Variants in SLC5A1 observed in about 807,000 individuals in gnomAD.
SLC5A1 encodes the protein solute carrier family 5 member 1.
In SLC5A1, 42 loss-of-function variants were observed where a neutral mutation model predicts 73.5. The ratio of observed to expected loss-of-function variants is 0.57; its 90% CI spans 0.45 to 0.74. The LOEUF is 0.74. Among genes scored for constraint, SLC5A1 ranks in the 30% least tolerant of loss-of-function variants. The probability of loss-of-function intolerance (pLI) is 0.00; values close to 1 mark genes in which losing one functional copy is unlikely to be tolerated. For missense variants in SLC5A1, 634 were observed against 855.4 expected, an observed-to-expected ratio of 0.74 and a Z score of 3.23; for synonymous variants, 300 against 317.4, an observed-to-expected ratio of 0.95 and a Z score of 0.58.
chr22:32,109,884 A>G, intron 14 of SLC5A1, 106 bp from the exon 15 acceptor site: 1 of 839,088 alleles, frequency 1.2e-6, no homozygotes, highest in Non-Finnish European at 2.0e-6. Context: ...CATTTTTGGG[A>G]AATTTCTGCA....
At chr22:32,071,234 G>A (rs971292273) in intron 5 of SLC5A1, among the ~76,000 whole-genome samples, 50 of 152,200 alleles carry the variant, frequency 3.3e-4, no homozygotes, top group African/African-American at 1.1e-3. Flanking sequence ...TGAGGATTGC[G>A]TGAGACCAGG....
intron 11 of SLC5A1, among the ~76,000 whole-genome samples, chr22:32,095,108 A>T (rs2094024165): frequency 6.6e-6 from 1 of 152,192 alleles, no homozygotes; most frequent in South Asian, 2.1e-4. Flanking sequence ...CCCAATGATC[A>T]TTCAGGAGCA....
At chr22:32,077,035 G>C (rs570333553) in intron 5 of SLC5A1, among the ~76,000 whole-genome samples, 29 of 152,308 alleles carry the variant, frequency 1.9e-4, no homozygotes, top group Admixed American at 7.8e-4. Context: ...ACAACAGAGT[G>C]TGACAGAGAC....
Position 32,085,042 on chromosome 22 carries a change from A to G in SLC5A1, c.1021+7A>G, listed in dbSNP as rs1412414067. The G allele has an allele frequency of 8.1e-6, 13 of 1,614,018 alleles. No individual in the cohort carries two copies. The highest frequency in any genetic ancestry group is 1.1e-5 in the Non-Finnish European group (13 of 1,179,992). On this transcript the variant is annotated splice_region_variant and intron_variant, in intron 9 of 14. Coordinates refer to ENST00000266088, the MANE Select transcript of SLC5A1 (RefSeq NM_000343.4). Reference sequence around the variant, plus strand: ...AGCCGCATTCTGTACACAGGTAATAACTTCTGCTGGACCCACAAACCACTC... The same window carrying G: ...AGCCGCATTCTGTACACAGGTAATAGCTTCTGCTGGACCCACAAACCACTC...
chr22:32,067,123 A>G, intron 3 of SLC5A1, 84 bp downstream of exon 3: 1 of 1,165,194 alleles, frequency 8.6e-7, no homozygotes, highest in Non-Finnish European at 1.3e-6. Context: ...AGAGGAGCTG[A>G]AGATGTTAGG....
intron 3 of SLC5A1, among the ~76,000 whole-genome samples, chr22:32,067,529 G>C (rs1028158980): frequency 2.6e-5 from 4 of 151,912 alleles, no homozygotes; most frequent in African/African-American, 9.7e-5. Flanking sequence ...GTGCCACCAT[G>C]CTTGGCGAAT....
At chr22:32,081,740 T>G in intron 5 of SLC5A1, 126 bp from the exon 6 acceptor site, 1 of 749,462 alleles carries the variant, frequency 1.3e-6, no homozygotes, top group South Asian at 1.4e-5. Flanking sequence ...TGGAATTCTT[T>G]TTCTCATGGA....
In SLC5A1 at chr22:32,049,998, G is replaced by C; in HGVS notation, c.191G>C (p.Ser64Thr). ...GGAGGCTTCTTCCTGGCAGGCCGAA[G>C]TATGGTGTGGTGGCCGGTAAGTTTT... ...TVGGFFLAGR[S>T]MVWWPIGASL... The change falls in exon 2 of 15, where the codon AGT becomes ACT. Residue 64 changes from serine (S) to threonine (T), a missense_variant. Around this residue, in one of 3 missense-constraint regions of SLC5A1, gnomAD observed 422 missense variants for 626.1 expected, o/e 0.67. Transcript: ENST00000266088. The C allele has an allele frequency of 6.2e-7, 1 of 1,614,074 alleles. No individual in the cohort carries two copies. The highest frequency in any genetic ancestry group is 8.5e-7 in the Non-Finnish European group (1 of 1,179,928).
intron 10 of SLC5A1, among the ~76,000 whole-genome samples, chr22:32,087,314 A>G (rs982939430): frequency 1.3e-5 from 2 of 152,246 alleles, no homozygotes; most frequent in Admixed American, 6.5e-5. Flanking sequence ...CAATTGAGCT[A>G]ATGTATAGAT....
At chr22:32,073,084 T>C (rs2093985247) in intron 5 of SLC5A1, among the ~76,000 whole-genome samples, 1 of 152,254 alleles carries the variant, frequency 6.6e-6, no homozygotes. Flanking sequence ...CTTATGCTTT[T>C]GGTGTCATTT....
chr22:32,093,908 C>T (rs2094022253), intron 11 of SLC5A1, among the ~76,000 whole-genome samples: 1 of 152,134 alleles, frequency 6.6e-6, no homozygotes, highest in Non-Finnish European at 1.5e-5. Context: ...AGTGGGCATC[C>T]TTGTCTTGTT....
In SLC5A1 at chr22:32,110,922, G is replaced by GT. The variant is rs1477594191; in HGVS notation, c.*712dup. The GT allele has an allele frequency of 1.3e-5, 2 of 153,308 alleles. No homozygotes were observed. Among genetic ancestry groups the GT allele is most frequent in the Non-Finnish European group, 2.9e-5 (2 of 68,854 alleles). The allele number at this position is 153,308 out of a possible 1,614,324, so 9.5% of individuals were successfully genotyped here. A position where few individuals can be genotyped will look rare whatever the true frequency, so the allele number is the denominator to read the frequency against. ...AAAATGTCCATTGTGAGTTCCCCGTGTTTGGGATTCCACTCATTTTGGCAT... is the reference window on the plus strand; with the variant it reads ...AAAATGTCCATTGTGAGTTCCCCGTGTTTTGGGATTCCACTCATTTTGGCAT... On this transcript the variant is annotated 3_prime_UTR_variant, in exon 15 of 15. Coordinates refer to ENST00000266088, the MANE Select transcript of SLC5A1 (RefSeq NM_000343.4).
intron 1 of SLC5A1, among the ~76,000 whole-genome samples, chr22:32,044,515 GT>G (rs530554198): frequency 0.064 from 8,843 of 138,484 alleles, 264 homozygotes; most frequent in Non-Finnish European, 0.078. Context: ...AAAAGGAAGT[GT>G]TTTTTTTTTT....
chr22:32,109,647 C>G lies in SLC5A1; in HGVS notation c.1772-343C>G, dbSNP rs529758908. ...GAGTTGAGTTTTCCTTCCTATGGCA[C>G]AATTCCCCAGCCTATTATTAATGTG... On this transcript the variant is annotated intron_variant, in intron 14 of 14. Transcript: ENST00000266088. 2.6e-5 allele frequency among the ~76,000 whole-genome samples: 4 copies of G among 152,310 alleles called. No homozygotes were observed. In the South Asian group the frequency reaches 8.3e-4, roughly 32 times the overall value.
rs1381117311 is a variant in SLC5A1 at position 32,043,464 on chromosome 22, A to G, written c.135+48A>G. On this transcript the variant is annotated intron_variant, in intron 1 of 14. Transcript: ENST00000266088. The surrounding 1 kb of genome is among the most constrained non-coding windows in gnomAD (Gnocchi z 6.5). ...CGGGTGGGGAGGGTGCGCACAGAGGAGGAGCAATGGCCTCGCTGAGCTGCA... is the reference window on the plus strand; with the variant it reads ...CGGGTGGGGAGGGTGCGCACAGAGGGGGAGCAATGGCCTCGCTGAGCTGCA... The G allele has an allele frequency of 6.2e-7, 1 of 1,603,888 alleles. No individual in the cohort carries two copies. The highest frequency in any genetic ancestry group is 1.7e-5 in the Admixed American group (1 of 59,180).
At chr22:32,098,366 T>C (rs1039861146) in intron 11 of SLC5A1, among the ~76,000 whole-genome samples, 1 of 152,222 alleles carries the variant, frequency 6.6e-6, no homozygotes, top group African/African-American at 2.4e-5. Flanking sequence ...TCTCAGTGCA[T>C]GTGTGTGTTT....
At chr22:32,044,823 G>A (rs773285205) in intron 1 of SLC5A1, among the ~76,000 whole-genome samples, 2 of 152,146 alleles carry the variant, frequency 1.3e-5, no homozygotes, top group Admixed American at 6.5e-5. Flanking sequence ...TCTGAAAGCT[G>A]TTTATGGACT....
At chr22:32,086,095 C>T (rs796175597) in intron 9 of SLC5A1, 125 bp from the exon 10 acceptor site, 8 of 690,502 alleles carry the variant, frequency 1.2e-5, no homozygotes, top group Admixed American at 5.4e-5. Flanking sequence ...GAGCCGAGAT[C>T]GTGCCACTGC....
intron 10 of SLC5A1, among the ~76,000 whole-genome samples, chr22:32,089,530 T>C (rs1261357376): frequency 6.6e-6 from 1 of 152,184 alleles, no homozygotes; most frequent in Non-Finnish European, 1.5e-5. Context: ...GATAGGAATA[T>C]AGAGAAGAGA....
Sources: allele counts gnomAD v4.1 joint callset (sites outside exome capture counted in the v4.1 genomes callset), GRCh38; gene constraint gnomAD v4.1.1; regional missense constraint gnomAD v4.1.1; non-coding constraint Gnocchi (gnomAD v3.1); transcripts MANE v1.5; gene names NCBI Gene and HGNC (gene_info 2026-07-23, HGNC 2026-07-21).